CDKAL1: variants seen among roughly 807,000 people sequenced by gnomAD.
The protein encoded by CDKAL1 is threonylcarbamoyladenosine tRNA methylthiotransferase.
In CDKAL1, 32 loss-of-function variants were observed where a neutral mutation model predicts 68.2. That is an observed-to-expected ratio of 0.47 (90% CI 0.35 to 0.63). The LOEUF is 0.63. CDKAL1 is among the 30% of genes least tolerant of loss of function. The pLI is 0.00. For synonymous variants in CDKAL1, 234 were observed against 244.3 expected (o/e 0.96, Z 0.39); for missense variants, 606 against 696.7 (o/e 0.87, Z 1.47).
At chr6:21,199,965 G>A (rs1778622980) in intron 14 of CDKAL1, among the ~76,000 whole-genome samples, 1 of 152,110 alleles carries the variant, frequency 6.6e-6, no homozygotes, top group African/African-American at 2.4e-5. Context: ...GGAACTCCTG[G>A]CTCTCATCTG....
At chr6:20,609,961 C>T (rs111541102) in intron 4 of CDKAL1, among the ~76,000 whole-genome samples, 118 of 152,118 alleles carry the variant, frequency 7.8e-4, no homozygotes, top group African/African-American at 2.5e-3. Context: ...CCCCAGTGTG[C>T]GTTGTTCCCC....
intron 6 of CDKAL1, among the ~76,000 whole-genome samples, chr6:20,746,817 C>G (rs1773682326): frequency 6.6e-6 from 1 of 152,060 alleles, no homozygotes; most frequent in Non-Finnish European, 1.5e-5. Context: ...AGCAAAATAA[C>G]TTATCCATCT....
intron 13 of CDKAL1, among the ~76,000 whole-genome samples, chr6:21,147,328 T>C (rs1776225255): frequency 6.6e-6 from 1 of 152,198 alleles, no homozygotes; most frequent in Non-Finnish European, 1.5e-5. Context: ...TAAAAATGGT[T>C]TTAATATTTG....
chr6:21,009,539 G>C (rs546004756), intron 11 of CDKAL1, among the ~76,000 whole-genome samples: 20 of 152,272 alleles, frequency 1.3e-4, no homozygotes, highest in African/African-American at 4.8e-4. Context: ...GTATCAAAGA[G>C]ATACCTGTTC....
intron 13 of CDKAL1, among the ~76,000 whole-genome samples, chr6:21,188,327 T>C (rs1158887207): frequency 6.6e-6 from 1 of 152,200 alleles, no homozygotes; most frequent in Non-Finnish European, 1.5e-5. Context: ...TCCAAGTATT[T>C]TGTGGCTTCT....
intron 13 of CDKAL1, among the ~76,000 whole-genome samples, chr6:21,187,935 C>T (rs1219195707): frequency 2.0e-5 from 3 of 151,718 alleles, no homozygotes; most frequent in Non-Finnish European, 4.4e-5. Flanking sequence ...ATATTTTTGC[C>T]CATTTGTGAA....
At chr6:20,672,391 G>T (rs916186049) in intron 5 of CDKAL1, among the ~76,000 whole-genome samples, 6 of 147,642 alleles carry the variant, frequency 4.1e-5, no homozygotes, top group Non-Finnish European at 5.9e-5. Flanking sequence ...ATCTCACTCT[G>T]TCACCCAGGC....
chr6:20,725,329 C>A (rs1772592078), intron 5 of CDKAL1, among the ~76,000 whole-genome samples: 2 of 152,096 alleles, frequency 1.3e-5, no homozygotes, highest in African/African-American at 4.8e-5. Flanking sequence ...TTTTGTTAAT[C>A]CCTTTAAGAA....
rs969052592 is a variant in CDKAL1, at chr6:20,611,449, T to C, written c.287-37844T>C. 2.6e-5 allele frequency among the ~76,000 whole-genome samples: 4 copies of C among 152,258 alleles called. No homozygotes were observed. The East Asian group carries it at 5.8e-4, about 22-fold the overall frequency. On this transcript the variant is annotated intron_variant, in intron 4 of 15. Coordinates refer to ENST00000274695, the MANE Select transcript of CDKAL1 (RefSeq NM_017774.3). ...TGGTGTTATTTTTCAGGAGGCTAAC[T>C]CTATTATTGGTATATGATAGATGGG...
intron 12 of CDKAL1, among the ~76,000 whole-genome samples, chr6:21,067,401 A>G (rs1771517928): frequency 6.6e-6 from 1 of 152,138 alleles, no homozygotes; most frequent in Non-Finnish European, 1.5e-5. Context: ...ATCCATTGTT[A>G]TTGCCAGGCA....
rs140162035 is a variant in CDKAL1 at position 21,032,136 on chromosome 6, C to G, written c.1055+31764C>G. 2.0e-5 allele frequency among the ~76,000 whole-genome samples: 3 copies of G among 152,252 alleles called. No homozygotes were observed. The East Asian group carries it at 5.8e-4, about 29-fold the overall frequency. ...CACTCCAACCAGATTCCTGACTCAC[C>G]CCCTCCTGGCCCATTTTGTGCCTAA... On this transcript the variant is annotated intron_variant, in intron 11 of 15. Coordinates refer to ENST00000274695, the MANE Select transcript of CDKAL1 (RefSeq NM_017774.3).
intron 9 of CDKAL1, among the ~76,000 whole-genome samples, chr6:20,913,708 T>A (rs1324147169): frequency 1.3e-5 from 2 of 152,200 alleles, no homozygotes; most frequent in African/African-American, 4.8e-5. Flanking sequence ...TTTGTGTTGG[T>A]GATGGCTTAT....
chr6:20,597,508 A>G (rs568910051), intron 4 of CDKAL1, among the ~76,000 whole-genome samples: 4 of 152,118 alleles, frequency 2.6e-5, no homozygotes, highest in Admixed American at 2.0e-4. Flanking sequence ...TCTGCCTCAC[A>G]GGTTCAAGTG....
rs536994801 is a variant in CDKAL1 at position 20,783,879 on chromosome 6, T to C, written c.638+2614T>C. 5.3e-5 allele frequency among the ~76,000 whole-genome samples: 8 copies of C among 152,248 alleles called. No homozygotes were observed. In the East Asian group the frequency reaches 1.5e-3, roughly 29 times the overall value. ...GTAGGGGATTAGTTCCAGGACCTCC[T>C]CAGATACAACATCTATGCATACTCA... On this transcript the variant is annotated intron_variant, in intron 8 of 15. Coordinates refer to ENST00000274695, the MANE Select transcript of CDKAL1 (RefSeq NM_017774.3).
chr6:20,841,003 G>T (rs1392137582), intron 8 of CDKAL1, among the ~76,000 whole-genome samples: 1 of 152,064 alleles, frequency 6.6e-6, no homozygotes, highest in African/African-American at 2.4e-5. Context: ...TGTAACATTG[G>T]TTTTTTGTTT....
intron 10 of CDKAL1, among the ~76,000 whole-genome samples, chr6:20,984,187 G>A (rs1478746620): frequency 1.3e-5 from 2 of 152,218 alleles, no homozygotes; most frequent in South Asian, 2.1e-4. Context: ...TACTACTGAA[G>A]CAGGATATTT....
chr6:20,917,366 A>G (rs1026743568), intron 9 of CDKAL1, among the ~76,000 whole-genome samples: 1 of 152,192 alleles, frequency 6.6e-6, no homozygotes, highest in Admixed American at 6.5e-5. Flanking sequence ...AACTGGTAAT[A>G]ATTGATAGAA....
chr6:20,890,870 T>C (rs1375243786), intron 9 of CDKAL1, among the ~76,000 whole-genome samples: 4 of 152,228 alleles, frequency 2.6e-5, no homozygotes, highest in Non-Finnish European at 5.9e-5. Flanking sequence ...AAAACAATAG[T>C]AACGTAAGAT....
At chr6:20,830,622 G>A (rs967114619) in intron 8 of CDKAL1, among the ~76,000 whole-genome samples, 7 of 151,984 alleles carry the variant, frequency 4.6e-5, no homozygotes, top group African/African-American at 1.7e-4. Context: ...TTCTACCACT[G>A]CACCCTGCAG....
Sources: allele counts gnomAD v4.1 joint callset (sites outside exome capture counted in the v4.1 genomes callset), GRCh38; gene constraint gnomAD v4.1.1; transcripts MANE v1.5; gene names NCBI Gene and HGNC (gene_info 2026-07-23, HGNC 2026-07-21).